The following RGS3 variants were observed in gnomAD, a reference collection of about 807,000 sequenced individuals.
RGS3 encodes regulator of G protein signaling 3.
In RGS3, 80 loss-of-function variants were observed where a neutral mutation model predicts 132.6. The observed-to-expected ratio is 0.60, with a 90% CI of 0.50 to 0.73. The LOEUF (loss-of-function observed/expected upper bound fraction) is 0.73. Among genes scored for constraint, RGS3 ranks in the 30% least tolerant of loss-of-function variants. The pLI is 0.00. For missense variants in RGS3, 1,382 were observed against 1,530.8 expected (o/e 0.90, Z 1.62); for synonymous variants, 598 against 620.6 (o/e 0.96, Z 0.54).
intron 19 of RGS3, among the ~76,000 whole-genome samples, chr9:113,572,596 G>A (rs1351087822): frequency 6.6e-6 from 1 of 152,222 alleles, no homozygotes; most frequent in Admixed American, 6.5e-5. Flanking sequence ...GGGGCAGACT[G>A]GGGCAGACAG....
chr9:113,558,327 C>G (rs568607889), intron 19 of RGS3, among the ~76,000 whole-genome samples: 20 of 152,206 alleles, frequency 1.3e-4, no homozygotes, highest in African/African-American at 4.6e-4. Context: ...CATGGTGAAG[C>G]CTTGTCTCTA....
At chr9:113,485,552 C>A in intron 6 of RGS3, 73 bp from the exon 5 acceptor site, 1 of 1,195,442 alleles carries the variant, frequency 8.4e-7, no homozygotes, top group South Asian at 1.3e-5. Context: ...GGAATTATGA[C>A]TGACTCTATG....
chr9:113,571,814 G>A (rs1326853768), intron 19 of RGS3, among the ~76,000 whole-genome samples: 2 of 152,052 alleles, frequency 1.3e-5, no homozygotes, highest in Non-Finnish European at 1.5e-5. Context: ...ATACTTTTAT[G>A]TATTCTTTTA....
intron 18 of RGS3, chr9:113,536,492 G>C: frequency 9.4e-7 from 1 of 1,064,752 alleles, no homozygotes; most frequent in South Asian, 3.5e-5. Flanking sequence ...GCCTGCCCCT[G>C]GGGGTGACCT....
chr9:113,481,694 G>C (rs1564467808), intron 4 of RGS3, among the ~76,000 whole-genome samples: 2 of 152,172 alleles, frequency 1.3e-5, no homozygotes, highest in Admixed American at 1.3e-4. Flanking sequence ...TGGTTTCCCA[G>C]GCCTTGCACC....
At chr9:113,544,108 A>G (rs1445868086) in intron 19 of RGS3, among the ~76,000 whole-genome samples, 7 of 152,244 alleles carry the variant, frequency 4.6e-5, no homozygotes, top group Non-Finnish European at 1.5e-5. Context: ...CCTGCTACAT[A>G]AATCATGCTA....
chr9:113,453,161 CAT>C (rs1206897114), intron 1 of RGS3, among the ~76,000 whole-genome samples: 50 of 116,856 alleles, frequency 4.3e-4, no homozygotes, highest in African/African-American at 1.2e-3. Context: ...ATAATATACT[CAT>C]ATGATTATAT....
chr9:113,589,463 T>G (rs1835297225), intron 20 of RGS3, among the ~76,000 whole-genome samples: 1 of 152,188 alleles, frequency 6.6e-6, no homozygotes, highest in Non-Finnish European at 1.5e-5. Flanking sequence ...GGTCAGTCCC[T>G]GCTGAAGACA....
intron 21 of RGS3, chr9:113,594,213 C>G: frequency 6.2e-7 from 1 of 1,612,848 alleles, no homozygotes; most frequent in Admixed American, 1.7e-5. Context: ...GGGTGGGGGA[C>G]AGGAGCCAGA....
At chr9:113,596,707 A>G (rs1358347054) in intron 24 of RGS3, 61 bp from the exon 23 acceptor site, 13 of 1,464,330 alleles carry the variant, frequency 8.9e-6, no homozygotes, top group Middle Eastern at 2.3e-4. Context: ...TTCCAGGCAC[A>G]TGGGCCCTAG....
chr9:113,583,687 C>G, exon 20 of RGS3: 1 of 1,614,076 alleles, frequency 6.2e-7, no homozygotes, highest in Non-Finnish European at 8.5e-7. Context: ...CCCAGATGCT[C>G]CGCCCAGCAA....
Position 113,463,574 on chromosome 9 carries a change from C to G in RGS3, c.415+1373C>G. Reference sequence around the variant, plus strand: ...GCTGCCGTCGCTGCTCAGCGCGGGTCGGCGGCGCCGCCTCCCCCACCCCGG... The same window carrying G: ...GCTGCCGTCGCTGCTCAGCGCGGGTGGGCGGCGCCGCCTCCCCCACCCCGG... On this transcript the variant is annotated intron_variant, in intron 3 of 24. Transcript: ENST00000350696. This position sits in a 1 kb window ranked among gnomAD's most constrained non-coding sequence, Gnocchi z 4.6. 7 of 418,016 alleles carry G rather than the reference C, an allele frequency of 1.7e-5. No homozygotes were observed. The highest frequency in any genetic ancestry group is 1.0e-4 in the South Asian group (1 of 9,968). The allele number at this position is 418,016 out of a possible 1,614,324, so 25.9% of individuals were successfully genotyped here.
At chr9:113,566,615 G>T (rs1480633754) in intron 19 of RGS3, among the ~76,000 whole-genome samples, 1 of 152,196 alleles carries the variant, frequency 6.6e-6, no homozygotes, top group Non-Finnish European at 1.5e-5. Context: ...AGGACATGTG[G>T]GAAACCATTT....
intron 19 of RGS3, among the ~76,000 whole-genome samples, chr9:113,570,827 G>A (rs1834253213): frequency 6.6e-6 from 1 of 152,074 alleles, no homozygotes; most frequent in Non-Finnish European, 1.5e-5. Context: ...AGTAGAGACA[G>A]GTTTCACTAT....
chr9:113,595,181 G>A (rs922367842), intron 23 of RGS3: 19 of 604,532 alleles, frequency 3.1e-5, no homozygotes, highest in East Asian at 1.9e-4. Context: ...GCCCCTCCCC[G>A]TCCATGTGAG....
At chr9:113,515,286 CTCT>C (rs1252061020) in intron 15 of RGS3, among the ~76,000 whole-genome samples, 6 of 152,178 alleles carry the variant, frequency 3.9e-5, no homozygotes, top group Admixed American at 1.3e-4. Context: ...GCACTCCAGC[CTCT>C]TCTTCTTCCC....
chr9:113,559,267 G>A (rs769086162), intron 19 of RGS3, among the ~76,000 whole-genome samples: 13 of 152,262 alleles, frequency 8.5e-5, no homozygotes, highest in Non-Finnish European at 1.2e-4. Context: ...AGCACAGTGG[G>A]TCGAGGATTG....
At chr9:113,517,068 G>A (rs1395780279) in intron 15 of RGS3, among the ~76,000 whole-genome samples, 1 of 152,230 alleles carries the variant, frequency 6.6e-6, no homozygotes, top group Non-Finnish European at 1.5e-5. Context: ...GTTCAAGTGT[G>A]CTATGAGTGC....
At chr9:113,541,980 T>C in intron 19 of RGS3, 1 of 498,556 alleles carries the variant, frequency 2.0e-6, no homozygotes, top group Non-Finnish European at 2.6e-6. Flanking sequence ...GATTTCAGTC[T>C]AGCTGGGAGT....
Sources: gnomAD v4.1 joint callset for allele counts (sites outside exome capture counted in the v4.1 genomes callset) on GRCh38, gnomAD v4.1.1 for gene constraint, Gnocchi (gnomAD v3.1) non-coding constraint, MANE v1.5 for transcripts, NCBI Gene and HGNC (gene_info 2026-07-23, HGNC 2026-07-21) for gene names.